Variants in CDH18 observed in about 807,000 individuals in gnomAD.
CDH18 encodes the protein cadherin 18.
CDH18 carries 31 observed loss-of-function variants against 67.9 expected under a neutral mutation model. The observed-to-expected ratio is 0.46, with a 90% confidence interval of 0.34 to 0.62. The LOEUF is 0.62. Among genes scored for constraint, CDH18 ranks in the 20% least tolerant of loss-of-function variants. CDH18 has a pLI of 0.01. For missense variants in CDH18, 890 were observed against 975.5 expected, an observed-to-expected ratio of 0.91 and a Z score of 1.17; for synonymous variants, 362 against 347.2, an observed-to-expected ratio of 1.04 and a Z score of -0.48.
intron 1 of CDH18, among the ~76,000 whole-genome samples, chr5:20,473,623 AT>A (rs1752241626): frequency 6.6e-6 from 1 of 152,028 alleles, no homozygotes; most frequent in Admixed American, 6.6e-5. Flanking sequence ...TCCTGTTACA[AT>A]TATTTTCTCA....
intron 2 of CDH18, among the ~76,000 whole-genome samples, chr5:19,942,881 G>A (rs1247617736): frequency 6.6e-6 from 1 of 152,164 alleles, no homozygotes; most frequent in East Asian, 1.9e-4. Context: ...TCTTGTCACT[G>A]TTAGGGCTTA....
intron 3 of CDH18, among the ~76,000 whole-genome samples, chr5:19,785,654 C>CAAA (rs35498841): frequency 5.1e-4 from 2 of 3,904 alleles, no homozygotes; most frequent in Non-Finnish European, 5.7e-4. Context: ...AACTCTGTCT[C>CAAA]AAAAAAAAAA....
intron 7 of CDH18, 118 bp from the exon 8 acceptor site, chr5:19,571,950 T>C (rs1030563473): frequency 5.2e-6 from 4 of 762,044 alleles, no homozygotes; most frequent in African/African-American, 1.8e-5. Context: ...GAGAGAGAGA[T>C]AAGTCATTCT....
chr5:19,484,341 T>A (rs1447293523), intron 11 of CDH18, among the ~76,000 whole-genome samples: 1 of 152,164 alleles, frequency 6.6e-6, no homozygotes, highest in Non-Finnish European at 1.5e-5. Flanking sequence ...ACAAAGCTAG[T>A]AAATGATAAG....
At chr5:20,120,449 G>A (rs776898035) in intron 2 of CDH18, among the ~76,000 whole-genome samples, 23 of 152,006 alleles carry the variant, frequency 1.5e-4, no homozygotes, top group Non-Finnish European at 1.9e-4. Context: ...GGGGCACAGC[G>A]GGATTCAAGT....
intron 2 of CDH18, among the ~76,000 whole-genome samples, chr5:20,229,773 T>C (rs1741920110): frequency 1.3e-5 from 2 of 152,084 alleles, no homozygotes; most frequent in African/African-American, 4.8e-5. Context: ...TATATTTTTG[T>C]ATGGTTGTAA....
intron 7 of CDH18, among the ~76,000 whole-genome samples, chr5:19,590,561 AC>A: frequency 6.6e-6 from 1 of 152,124 alleles, no homozygotes; most frequent in Middle Eastern, 3.4e-3. Context: ...ATCAACATCT[AC>A]AGTAGGCACA....
intron 2 of CDH18, among the ~76,000 whole-genome samples, chr5:19,913,045 A>G (rs1461172463): frequency 1.3e-5 from 2 of 152,154 alleles, no homozygotes; most frequent in Non-Finnish European, 2.9e-5. Flanking sequence ...CCTTCTATCC[A>G]TCACTGTGGA....
At chr5:20,026,707 C>A (rs1254507373) in intron 2 of CDH18, among the ~76,000 whole-genome samples, 6 of 152,124 alleles carry the variant, frequency 3.9e-5, no homozygotes, top group Non-Finnish European at 8.8e-5. Context: ...AATAGCTTCA[C>A]ATAATAAAAT....
chr5:19,595,694 C>G (rs1366837539), intron 6 of CDH18, among the ~76,000 whole-genome samples: 2 of 152,160 alleles, frequency 1.3e-5, no homozygotes, highest in African/African-American at 4.8e-5. Flanking sequence ...TGTATAGATA[C>G]TAAGGGTTGA....
At chr5:20,052,971 G>A (rs1450138004) in intron 2 of CDH18, among the ~76,000 whole-genome samples, 1 of 151,704 alleles carries the variant, frequency 6.6e-6, no homozygotes, top group African/African-American at 2.4e-5. Context: ...CCCTGAGCAG[G>A]CAAAGCCAGT....
chr5:20,418,242 A>ATTTTTTTTTGTTTTTTTTTTTTT (rs1747500056), intron 1 of CDH18, among the ~76,000 whole-genome samples: 1 of 56,936 alleles, frequency 1.8e-5, no homozygotes, highest in Non-Finnish European at 2.9e-5. Context: ...CTGCTGGCTA[A>ATTTTTTTTTGTTTTTTTTTTTTT]TTTTTTTTTT....
intron 2 of CDH18, among the ~76,000 whole-genome samples, chr5:19,952,484 C>A (rs1394575842): frequency 1.3e-5 from 2 of 152,104 alleles, no homozygotes; most frequent in Non-Finnish European, 2.9e-5. Flanking sequence ...CAATCCAAAG[C>A]CAAATATATA....
At chr5:20,223,087 C>A (rs915129792) in intron 2 of CDH18, among the ~76,000 whole-genome samples, 4 of 151,898 alleles carry the variant, frequency 2.6e-5, no homozygotes, top group South Asian at 2.1e-4. Flanking sequence ...TTTATCATGT[C>A]ATTTCTGGAA....
At chr5:20,501,084 A>T (rs1754219920) in intron 1 of CDH18, among the ~76,000 whole-genome samples, 1 of 152,160 alleles carries the variant, frequency 6.6e-6, no homozygotes, top group South Asian at 2.1e-4. Flanking sequence ...TGAGCATGAC[A>T]TCACACAGCA....
intron 2 of CDH18, among the ~76,000 whole-genome samples, chr5:20,253,905 A>C (rs1744041161): frequency 6.6e-6 from 1 of 152,182 alleles, no homozygotes; most frequent in South Asian, 2.1e-4. Context: ...AAGCTCAGCT[A>C]GATACTACAC....
At chr5:19,743,041 CAAT>C (rs1417063370) in intron 4 of CDH18, among the ~76,000 whole-genome samples, 2 of 152,136 alleles carry the variant, frequency 1.3e-5, no homozygotes, top group African/African-American at 4.8e-5. Context: ...AAACCTTCAA[CAAT>C]GTGTGTGTGT....
At chr5:20,061,342 A>C (rs1283270572) in intron 2 of CDH18, among the ~76,000 whole-genome samples, 3 of 152,182 alleles carry the variant, frequency 2.0e-5, no homozygotes, top group African/African-American at 7.2e-5. Flanking sequence ...TAATTTTATT[A>C]AAATCCACAA....
intron 2 of CDH18, among the ~76,000 whole-genome samples, chr5:20,030,674 C>A (rs559054873): frequency 6.6e-6 from 1 of 152,204 alleles, no homozygotes; most frequent in African/African-American, 2.4e-5. Flanking sequence ...TTTAGACATA[C>A]TCAGATGTGA....
Sources: gnomAD v4.1 joint callset for allele counts (sites outside exome capture counted in the v4.1 genomes callset) on GRCh38, gnomAD v4.1.1 for gene constraint, MANE v1.5 for transcripts, NCBI Gene and HGNC (gene_info 2026-07-23, HGNC 2026-07-21) for gene names.